The following PCDH7 variants were observed in gnomAD, a reference collection of about 807,000 sequenced individuals.
PCDH7 encodes the protein protocadherin-7.
In PCDH7, 17 loss-of-function variants were observed where a neutral mutation model predicts 58.9. That is an observed-to-expected ratio of 0.29 (90% confidence interval 0.20 to 0.43). The LOEUF is 0.43. PCDH7 is among the 20% of genes least tolerant of loss of function. PCDH7 has a pLI of 1.00. For synonymous variants in PCDH7, 664 were observed against 616.4 expected, an observed-to-expected ratio of 1.08 and a Z score of -1.14; for missense variants, 1,274 against 1,441.0, an observed-to-expected ratio of 0.88 and a Z score of 1.88.
intron 3 of PCDH7, among the ~76,000 whole-genome samples, chr4:31,001,525 G>A (rs1218136517): frequency 6.6e-6 from 1 of 151,954 alleles, no homozygotes; most frequent in Non-Finnish European, 1.5e-5. Flanking sequence ...CACATCTAAT[G>A]TGTTTGATGA....
At chr4:30,906,389 C>T (rs1011915239) in intron 1 of PCDH7, among the ~76,000 whole-genome samples, 18 of 152,020 alleles carry the variant, frequency 1.2e-4, no homozygotes, top group African/African-American at 4.3e-4. Flanking sequence ...ACATCAAAAC[C>T]ACTATTTGAA....
chr4:30,988,799 A>C (rs554496715), intron 3 of PCDH7, among the ~76,000 whole-genome samples: 1 of 152,302 alleles, frequency 6.6e-6, no homozygotes, highest in African/African-American at 2.4e-5. Flanking sequence ...TTTTTAAATG[A>C]AACTGGGAAT....
intron 3 of PCDH7, among the ~76,000 whole-genome samples, chr4:30,960,129 G>C (rs1748256578): frequency 1.1e-5 from 1 of 87,926 alleles, no homozygotes; most frequent in African/African-American, 5.5e-5. Context: ...AAGGAAGGAA[G>C]GAAGGAAGGA....
intron 1 of PCDH7, among the ~76,000 whole-genome samples, chr4:30,907,669 A>G (rs1741143757): frequency 6.6e-6 from 1 of 152,220 alleles, no homozygotes; most frequent in Admixed American, 6.5e-5. Context: ...AAATTAGTTC[A>G]ACCACTGTGG....
chr4:30,736,776 T>C (rs1489254732), downstream of PCDH7, among the ~76,000 whole-genome samples: 1 of 152,010 alleles, frequency 6.6e-6, no homozygotes, highest in Non-Finnish European at 1.5e-5. Flanking sequence ...GACCTCGTGA[T>C]CCGCCCGCCT....
chr4:31,038,670 G>A (rs1408577926), intron 3 of PCDH7, among the ~76,000 whole-genome samples: 2 of 152,074 alleles, frequency 1.3e-5, no homozygotes, highest in South Asian at 2.1e-4. Flanking sequence ...TCTGTTTGTG[G>A]GATTAGTCCA....
At chr4:30,927,485 G>A (rs1379443463) in intron 2 of PCDH7, among the ~76,000 whole-genome samples, 2 of 151,494 alleles carry the variant, frequency 1.3e-5, no homozygotes, top group African/African-American at 4.9e-5. Context: ...AGTAGACATG[G>A]GAGACTTTTC....
intron 1 of PCDH7, among the ~76,000 whole-genome samples, chr4:30,811,864 C>A (rs1305086431): frequency 1.3e-5 from 2 of 152,020 alleles, no homozygotes; most frequent in Non-Finnish European, 2.9e-5. Context: ...GGAGCTGGGC[C>A]TTGAAGTGAT....
At chr4:31,002,678 A>G (rs1200919023) in intron 3 of PCDH7, among the ~76,000 whole-genome samples, 1 of 152,236 alleles carries the variant, frequency 6.6e-6, no homozygotes, top group Non-Finnish European at 1.5e-5. Flanking sequence ...TGCAAATTTT[A>G]CTGTAATTTT....
chr4:30,758,259 G>T (rs1719567708), intron 1 of PCDH7, among the ~76,000 whole-genome samples: 1 of 152,168 alleles, frequency 6.6e-6, no homozygotes, highest in African/African-American at 2.4e-5. Context: ...ACCTGTATGG[G>T]ATACTTGAAG....
chr4:31,068,089 A>G (rs1042114690), intron 3 of PCDH7, among the ~76,000 whole-genome samples: 1 of 151,894 alleles, frequency 6.6e-6, no homozygotes, highest in Non-Finnish European at 1.5e-5. Context: ...GAAATTCCAA[A>G]CATATTTCTG....
chr4:30,939,256 T>A lies in PCDH7; in HGVS notation c.288-10864T>A, dbSNP rs1745743033. On this transcript the variant is annotated intron_variant, in intron 2 of 3. Coordinates refer to the PCDH7 transcript ENST00000509759. ...TGATAATCCAATGTAAATGTGCCTGTTATTTATAATAACCATTTCAGTATT... is the reference window on the plus strand; with the variant it reads ...TGATAATCCAATGTAAATGTGCCTGATATTTATAATAACCATTTCAGTATT... 2.0e-5 allele frequency among the ~76,000 whole-genome samples: 3 copies of A among 152,268 alleles called. No homozygotes were observed. The South Asian group carries it at 6.2e-4, about 32-fold the overall frequency.
At chr4:30,863,958 T>A (rs1734538454) in intron 1 of PCDH7, among the ~76,000 whole-genome samples, 2 of 152,114 alleles carry the variant, frequency 1.3e-5, no homozygotes, top group Non-Finnish European at 2.9e-5. Flanking sequence ...TGGAATTAGT[T>A]GTGATAGGTT....
At chr4:31,074,646 T>C (rs1386205983) in intron 3 of PCDH7, among the ~76,000 whole-genome samples, 2 of 151,620 alleles carry the variant, frequency 1.3e-5, no homozygotes, top group Non-Finnish European at 2.9e-5. Flanking sequence ...TAGCCAGGCA[T>C]GGTGGCACAT....
intron 1 of PCDH7, among the ~76,000 whole-genome samples, chr4:30,898,957 C>T (rs759367181): frequency 1.3e-5 from 2 of 151,236 alleles, no homozygotes; most frequent in East Asian, 3.9e-4. Flanking sequence ...AGTAATGGGT[C>T]ATAAAGTCAA....
Position 30,721,452 on chromosome 4 carries a change from G to A in PCDH7, c.30G>A (p.Ala10=). Residue 10 remains alanine, a synonymous_variant, in exon 1 of 2, where the codon GCG becomes GCA. Coordinates refer to ENST00000361762, the Ensembl canonical transcript of PCDH7. The surrounding 1 kb of genome is among the most constrained non-coding windows in gnomAD (Gnocchi z 6.7). ...TGAGGATGCGGACCGCGGGATGGGC[G>A]CGCGGCTGGTGCTTGGGCTGCTGCC... is the stretch of plus-strand genomic sequence containing the variant. 6.5e-7 allele frequency: 1 copy of A among 1,544,048 alleles called. No individual in the cohort carries two copies. Among genetic ancestry groups the A allele is most frequent in the Non-Finnish European group, 8.7e-7 (1 of 1,149,338 alleles).
At chr4:31,135,804 T>G (rs1206041438) in intron 3 of PCDH7, among the ~76,000 whole-genome samples, 1 of 152,202 alleles carries the variant, frequency 6.6e-6, no homozygotes, top group Admixed American at 6.5e-5. Flanking sequence ...TTGCATTAAT[T>G]CATATCAGGT....
At chr4:30,779,032 A>G (rs1469105609) in intron 1 of PCDH7, among the ~76,000 whole-genome samples, 1 of 22,718 alleles carries the variant, frequency 4.4e-5, no homozygotes, top group Admixed American at 3.7e-4. Context: ...TTTTTTTTTT[A>G]AATGGAGACG....
At chr4:30,902,295 T>C (rs1740320806) in intron 1 of PCDH7, among the ~76,000 whole-genome samples, 1 of 152,234 alleles carries the variant, frequency 6.6e-6, no homozygotes, top group African/African-American at 2.4e-5. Context: ...TATCTCTGTG[T>C]TTTTTTACTT....
Sources: allele counts gnomAD v4.1 joint callset (sites outside exome capture counted in the v4.1 genomes callset), GRCh38; gene constraint gnomAD v4.1.1; non-coding constraint Gnocchi (gnomAD v3.1); transcripts MANE v1.5; gene names NCBI Gene and HGNC (gene_info 2026-07-23, HGNC 2026-07-21).